The following ZMYM2 variants were observed in gnomAD, a reference collection of about 807,000 sequenced individuals.
The protein encoded by ZMYM2 is zinc finger MYM-type containing 2, also known as zinc finger MYM-type protein 2.
Under a neutral mutation model 162.8 loss-of-function variants are expected in ZMYM2, and 56 were observed. The observed-to-expected ratio is 0.34, with a 90% confidence interval of 0.28 to 0.43. ZMYM2 has a LOEUF of 0.43. Ranked by LOEUF, ZMYM2 falls within the 20% of genes least tolerant of loss-of-function variation. The pLI, the probability that ZMYM2 is intolerant of heterozygous loss-of-function variation, is 1.00. For missense variants in ZMYM2, 1,275 were observed against 1,621.8 expected (o/e 0.79, Z 3.67); for synonymous variants, 510 against 541.6 (o/e 0.94, Z 0.81).
At chr13:20,051,244 T>C (rs1955299307) in intron 12 of ZMYM2, among the ~76,000 whole-genome samples, 189 bp from the exon 13 acceptor site, 1 of 106,308 alleles carries the variant, frequency 9.4e-6, no homozygotes, top group Non-Finnish European at 1.9e-5. Context: ...CTTTGTCAAC[T>C]GTGAAATTGT....
At chr13:20,059,280 C>G (rs1956052461) in intron 15 of ZMYM2, among the ~76,000 whole-genome samples, 167 bp from the exon 16 acceptor site, 1 of 148,260 alleles carries the variant, frequency 6.7e-6, no homozygotes, top group Non-Finnish European at 1.5e-5. Context: ...CTGCTGCTTT[C>G]TTTTTTGTCC....
chr13:20,045,944 T>TA (rs1001125864), intron 12 of ZMYM2, among the ~76,000 whole-genome samples: 1 of 151,962 alleles, frequency 6.6e-6, no homozygotes, highest in African/African-American at 2.4e-5. Flanking sequence ...CTCCCAGCTT[T>TA]AAAAAATATT....
chr13:19,909,049 A>G, the ZMYM2 span, among the ~76,000 whole-genome samples: 8 of 152,306 alleles, frequency 5.3e-5, no homozygotes, highest in African/African-American at 1.9e-4. Context: ...GACTCAGTCA[A>G]TGTTTACTGG....
the ZMYM2 span, among the ~76,000 whole-genome samples, chr13:19,895,365 C>T: frequency 6.6e-6 from 1 of 151,774 alleles, no homozygotes; most frequent in African/African-American, 2.4e-5. Context: ...ATATCTTAAA[C>T]TGGGTGATTT....
the ZMYM2 span, among the ~76,000 whole-genome samples, chr13:19,942,929 G>A: frequency 6.6e-6 from 1 of 152,088 alleles, no homozygotes. Flanking sequence ...CATGCTAAAA[G>A]CTATATAGAA....
At chr13:19,915,109 G>C in the ZMYM2 span, among the ~76,000 whole-genome samples, 1 of 152,198 alleles carries the variant, frequency 6.6e-6, no homozygotes, top group South Asian at 2.1e-4. Flanking sequence ...CTACAGGCAT[G>C]TGCCACCATA....
Position 20,002,910 on chromosome 13 carries a change from C to CT in ZMYM2, c.911dup (p.Leu304PhefsTer9). 6.2e-7 allele frequency: 1 copy of CT among 1,614,174 alleles called. No individual in the cohort carries two copies. On this transcript the variant is annotated frameshift_variant, in exon 4 of 25. Transcript: ENST00000610343. LOFTEE classifies it high-confidence loss of function. ...AATCAGAAACAACCAGGGGTGGACTCTTTATCACCAGTGGCCTCACTTCCT... is the reference window on the plus strand; with the variant it reads ...AATCAGAAACAACCAGGGGTGGACTCTTTTATCACCAGTGGCCTCACTTCCT...
intron 2 of ZMYM2, among the ~76,000 whole-genome samples, chr13:19,966,004 C>T (rs1284789890): frequency 6.6e-6 from 1 of 151,920 alleles, no homozygotes; most frequent in Non-Finnish European, 1.5e-5. Context: ...GTTTTGAACT[C>T]CTGAACTCAG....
the ZMYM2 span, among the ~76,000 whole-genome samples, chr13:19,938,905 A>T: frequency 1.3e-5 from 2 of 152,028 alleles, no homozygotes; most frequent in Non-Finnish European, 2.9e-5. Context: ...GCCATTGCCC[A>T]GTGGGAACTC....
chr13:19,969,291 A>G (rs1196079419), intron 2 of ZMYM2, among the ~76,000 whole-genome samples: 1 of 152,228 alleles, frequency 6.6e-6, no homozygotes, highest in East Asian at 1.9e-4. Context: ...TCAGTTTATT[A>G]GGCCAGTTCA....
the ZMYM2 span, among the ~76,000 whole-genome samples, chr13:19,897,606 A>G: frequency 6.6e-6 from 1 of 152,010 alleles, no homozygotes; most frequent in African/African-American, 2.4e-5. Context: ...ATGAAAAAAT[A>G]TATTTCATGC....
intron 2 of ZMYM2, among the ~76,000 whole-genome samples, chr13:19,962,802 G>A (rs1356252677): frequency 6.7e-6 from 1 of 149,270 alleles, no homozygotes; most frequent in Admixed American, 6.8e-5. Context: ...GAGATTACAG[G>A]CGTAAGCCAC....
At chr13:19,889,357 C>A in the ZMYM2 span, among the ~76,000 whole-genome samples, 1 of 151,846 alleles carries the variant, frequency 6.6e-6, no homozygotes, top group Non-Finnish European at 1.5e-5. Flanking sequence ...TCGTTCTTGT[C>A]GCCCAGGCTG....
the ZMYM2 span, among the ~76,000 whole-genome samples, chr13:19,911,090 C>T: frequency 7.2e-6 from 1 of 139,784 alleles, no homozygotes; most frequent in Admixed American, 7.8e-5. Flanking sequence ...CTCTGTTGTC[C>T]AGCTAATTTT....
chr13:20,032,977 A>G (rs1359209583), intron 10 of ZMYM2, among the ~76,000 whole-genome samples: 2 of 152,038 alleles, frequency 1.3e-5, no homozygotes, highest in Non-Finnish European at 2.9e-5. Context: ...TGACTGGAAC[A>G]TTTTTTAGTT....
At chr13:20,068,954 A>T (rs1354699636) in intron 21 of ZMYM2, among the ~76,000 whole-genome samples, 1 of 152,076 alleles carries the variant, frequency 6.6e-6, no homozygotes, top group Non-Finnish European at 1.5e-5. Flanking sequence ...TTAAAAACAT[A>T]TTTAGATAAT....
At chr13:19,936,889 A>G in the ZMYM2 span, among the ~76,000 whole-genome samples, 2 of 152,096 alleles carry the variant, frequency 1.3e-5, no homozygotes, top group East Asian at 3.9e-4. Flanking sequence ...GTCCTATTAG[A>G]AAATAGACTA....
chr13:19,921,589 C>T, the ZMYM2 span, among the ~76,000 whole-genome samples: 5 of 151,826 alleles, frequency 3.3e-5, no homozygotes, highest in Non-Finnish European at 7.4e-5. Flanking sequence ...CTGTGATATT[C>T]GCTATTGATT....
intron 12 of ZMYM2, among the ~76,000 whole-genome samples, chr13:20,049,653 A>T (rs1348529103): frequency 6.6e-6 from 1 of 152,084 alleles, no homozygotes; most frequent in Non-Finnish European, 1.5e-5. Flanking sequence ...CTGCCTTTTG[A>T]ATCCTATCTC....
Sources: allele counts gnomAD v4.1 joint callset (sites outside exome capture counted in the v4.1 genomes callset), GRCh38; gene constraint gnomAD v4.1.1; transcripts MANE v1.5; gene names NCBI Gene and HGNC (gene_info 2026-07-23, HGNC 2026-07-21).